SKAP1: variants seen among roughly 807,000 people sequenced by gnomAD.
SKAP1 encodes src kinase-associated phosphoprotein 1.
In SKAP1, 44 loss-of-function variants were observed where a neutral mutation model predicts 58.5. That is an observed-to-expected ratio of 0.75 (90% confidence interval 0.59 to 0.97). The LOEUF is 0.97. SKAP1 is among the 50% of genes least tolerant of loss of function. The pLI, the probability that SKAP1 is intolerant of heterozygous loss-of-function variation, is 0.00. For missense variants in SKAP1, 390 were observed against 435.2 expected (o/e 0.90, Z 0.92); for synonymous variants, 127 against 149.7 (o/e 0.85, Z 1.11).
At chr17:48,264,745 AAC>A (rs55733017) in intron 4 of SKAP1, among the ~76,000 whole-genome samples, 19,427 of 142,336 alleles carry the variant, frequency 0.14, 1,258 homozygotes, top group Middle Eastern at 0.17. Flanking sequence ...AAATCTACAA[AAC>A]ACACACACAC....
chr17:48,351,729 C>T (rs2066804367), intron 3 of SKAP1, among the ~76,000 whole-genome samples: 1 of 152,126 alleles, frequency 6.6e-6, no homozygotes, highest in South Asian at 2.1e-4. Context: ...TAACAGCCTT[C>T]TTAAGAACCT....
In SKAP1 at chr17:48,264,745, AACACAC is replaced by A. The variant is rs55733017; in HGVS notation, c.281-75251_281-75246del. Among the ~76,000 whole-genome samples, 521 of 142,844 alleles carry A rather than the reference AACACAC, an allele frequency of 3.6e-3. 1 individual carries two copies. The highest frequency in any genetic ancestry group is 0.012 in the African/African-American group (464 of 38,714). 93.7% of individuals were successfully genotyped at this position (142,844 alleles called of 152,430 possible). A position where few individuals can be genotyped will look rare whatever the true frequency, so the allele number is the denominator to read the frequency against. Reference sequence around the variant, plus strand: ...AACTTACATTTAATCAAATCTACAAAACACACACACACACACACACACACACACACA... The same window carrying A: ...AACTTACATTTAATCAAATCTACAAAACACACACACACACACACACACACA... On this transcript the variant is annotated intron_variant, in intron 4 of 12. Coordinates refer to ENST00000336915, the MANE Select transcript of SKAP1 (RefSeq NM_003726.4).
chr17:48,423,874 C>G (rs950170998), intron 1 of SKAP1, among the ~76,000 whole-genome samples: 3 of 151,968 alleles, frequency 2.0e-5, no homozygotes, highest in Admixed American at 2.0e-4. Context: ...CTCCCACCTC[C>G]GCCTCTCAAA....
At chr17:48,386,815 A>C (rs1483186725) in intron 2 of SKAP1, among the ~76,000 whole-genome samples, 1 of 152,228 alleles carries the variant, frequency 6.6e-6, no homozygotes, top group Admixed American at 6.5e-5. Context: ...GCTTTCATGA[A>C]CATGTCAAAC....
At chr17:48,441,571 G>A in the SKAP1 span, among the ~76,000 whole-genome samples, 26 of 152,162 alleles carry the variant, frequency 1.7e-4, no homozygotes, top group Admixed American at 1.4e-3. Flanking sequence ...AGATTCTAAA[G>A]AAGAAAATAG....
chr17:48,246,795 A>T (rs1192507171), intron 4 of SKAP1, among the ~76,000 whole-genome samples: 2 of 152,206 alleles, frequency 1.3e-5, no homozygotes, highest in Non-Finnish European at 2.9e-5. Flanking sequence ...TACAGTACTT[A>T]TCACACAGCC....
At chr17:48,225,823 T>C (rs1378520540) in intron 4 of SKAP1, among the ~76,000 whole-genome samples, 1 of 152,140 alleles carries the variant, frequency 6.6e-6, no homozygotes, top group East Asian at 1.9e-4. Flanking sequence ...GGCCCTGGAC[T>C]TAAGAATGAA....
chr17:48,306,394 C>T (rs989833846), intron 4 of SKAP1, among the ~76,000 whole-genome samples: 1 of 152,172 alleles, frequency 6.6e-6, no homozygotes, highest in Non-Finnish European at 1.5e-5. Context: ...TTTTTCAAGG[C>T]TTTGTTCATA....
intron 4 of SKAP1, among the ~76,000 whole-genome samples, chr17:48,258,546 G>A (rs767330212): frequency 7.2e-5 from 11 of 152,174 alleles, no homozygotes; most frequent in South Asian, 2.1e-4. Flanking sequence ...TACTGGTGCC[G>A]TTAAGGAAAC....
intron 1 of SKAP1, among the ~76,000 whole-genome samples, chr17:48,415,760 G>A (rs1176102656): frequency 2.0e-5 from 3 of 151,876 alleles, no homozygotes; most frequent in Non-Finnish European, 2.9e-5. Flanking sequence ...CTCAGAACCC[G>A]AACCTGGCTC....
intron 4 of SKAP1, among the ~76,000 whole-genome samples, chr17:48,239,836 GAGAGAGAGAGAGAC>G (rs1305584479): frequency 2.2e-5 from 2 of 92,872 alleles, no homozygotes; most frequent in Non-Finnish European, 5.0e-5. Flanking sequence ...GAATGAGAGA[GAGAGAGAGAGAGAC>G]AGAGAGAGAG....
At chr17:48,439,863 T>C in the SKAP1 span, among the ~76,000 whole-genome samples, 13,979 of 152,088 alleles carry the variant, frequency 0.092, 985 homozygotes, top group African/African-American at 0.17. Flanking sequence ...ATTCTGACAA[T>C]GTTGGGGCCC....
At chr17:48,317,682 A>G (rs1051299321) in intron 4 of SKAP1, among the ~76,000 whole-genome samples, 1 of 152,230 alleles carries the variant, frequency 6.6e-6, no homozygotes, top group African/African-American at 2.4e-5. Context: ...AAAGGAACTG[A>G]AGTAACTTCA....
At chr17:48,274,342 G>A (rs1038008544) in intron 4 of SKAP1, among the ~76,000 whole-genome samples, 1 of 151,982 alleles carries the variant, frequency 6.6e-6, no homozygotes, top group Non-Finnish European at 1.5e-5. Context: ...GTTGCAGTGA[G>A]CAGAGATTGC....
the SKAP1 span, among the ~76,000 whole-genome samples, chr17:48,440,484 G>T: frequency 2.6e-5 from 4 of 152,178 alleles, no homozygotes; most frequent in Non-Finnish European, 2.9e-5. Flanking sequence ...GAGCAGCTGT[G>T]GCGTAAGGGT....
intron 4 of SKAP1, among the ~76,000 whole-genome samples, chr17:48,314,546 G>A (rs1386703116): frequency 6.6e-6 from 1 of 152,120 alleles, no homozygotes; most frequent in African/African-American, 2.4e-5. Context: ...AAAGTAGGTG[G>A]CTAAACTCTT....
chr17:48,189,362 C>G, intron 5 of SKAP1, 61 bp downstream of exon 5: 1 of 1,413,198 alleles, frequency 7.1e-7, no homozygotes. Context: ...TGTTAGCCTT[C>G]TTTTTCCTCA....
intron 1 of SKAP1, among the ~76,000 whole-genome samples, chr17:48,405,492 C>G (rs1170628968): frequency 9.2e-6 from 1 of 109,272 alleles, no homozygotes; most frequent in Non-Finnish European, 1.9e-5. Flanking sequence ...CTTTTCTTTT[C>G]TTTCCTTTCT....
At chr17:48,221,365 C>T (rs1259805533) in intron 4 of SKAP1, among the ~76,000 whole-genome samples, 2 of 152,152 alleles carry the variant, frequency 1.3e-5, no homozygotes, top group African/African-American at 4.8e-5. Flanking sequence ...TGACAAAAAA[C>T]TATCAAAGTA....
Sources: gnomAD v4.1 joint callset for allele counts (sites outside exome capture counted in the v4.1 genomes callset) on GRCh38, gnomAD v4.1.1 for gene constraint, MANE v1.5 for transcripts, NCBI Gene and HGNC (gene_info 2026-07-23, HGNC 2026-07-21) for gene names.